SYTL5: variants seen among roughly 807,000 people sequenced by gnomAD.
SYTL5 encodes the protein synaptotagmin-like protein 5.
In SYTL5, 34 loss-of-function variants were observed where a neutral mutation model predicts 55.9. The observed-to-expected ratio is 0.61, with a 90% CI of 0.46 to 0.81. SYTL5 has a LOEUF of 0.81. Among genes scored for constraint, SYTL5 ranks in the 30% least tolerant of loss-of-function variants. SYTL5 has a pLI of 0.00. For missense variants in SYTL5, 637 were observed against 546.7 expected (o/e 1.17, Z -1.65); for synonymous variants, 221 against 188.7 (o/e 1.17, Z -1.40).
In SYTL5 at chrX:38,110,385, G is replaced by A. The variant is rs1265695006; in HGVS notation, c.1499G>A (p.Arg500Gln). 1.5e-5 allele frequency: 18 copies of A among 1,207,015 alleles called. 1 individual carries two copies. In the African/African-American group the frequency reaches 2.6e-4, roughly 18 times the overall value. ...CAGCTCTCAGTCTGGCACTATGATC[G>A]ATTTGGACGTAATAGCTTCCTCGGG... Reference protein sequence around the residue: ...TLQLSVWHYDRFGRNSFLGEV... With the variant: ...TLQLSVWHYDQFGRNSFLGEV... Residue 500 changes from arginine to glutamine, a missense_variant, in exon 13 of 17, where the codon CGA (arginine) becomes CAA (glutamine). By Grantham distance (43) the Arg-to-Gln change is conservative. Coordinates refer to ENST00000297875, the MANE Select transcript of SYTL5 (RefSeq NM_138780.3).
intron 2 of SYTL5, 32 bp from the exon 3 acceptor site, chrX:38,054,181 T>C (rs754450459): frequency 1.1e-5 from 12 of 1,094,767 alleles, no homozygotes; most frequent in Non-Finnish European, 1.5e-5. Flanking sequence ...TGTTTGTTTT[T>C]TTAAGTGATT....
chrX:37,911,847 G>T, the SYTL5 span, among the ~76,000 whole-genome samples: 2 of 111,020 alleles, frequency 1.8e-5, no homozygotes, highest in African/African-American at 3.3e-5. Flanking sequence ...ATACACACAG[G>T]TTATGATTTT....
chrX:38,038,704 A>G (rs761269349), intron 2 of SYTL5, among the ~76,000 whole-genome samples: 1 of 112,241 alleles, frequency 8.9e-6, no homozygotes, highest in Admixed American at 9.5e-5. Flanking sequence ...TTGGCTGTTT[A>G]CCATGAGCCA....
At chrX:38,007,284 C>T (rs1326356769) in intron 1 of SYTL5, among the ~76,000 whole-genome samples, 1 of 111,681 alleles carries the variant, frequency 9.0e-6, no homozygotes, top group Admixed American at 9.5e-5. Context: ...GATACTGTAA[C>T]AGCTTACAGA....
intron 14 of SYTL5, 88 bp downstream of exon 14, chrX:38,120,554 C>A: frequency 1.4e-6 from 1 of 706,749 alleles, no homozygotes; most frequent in Non-Finnish European, 2.2e-6. Flanking sequence ...CATTATATTT[C>A]TTTCATATTA....
At chrX:38,030,151 T>A (rs926005851) in intron 1 of SYTL5, among the ~76,000 whole-genome samples, 3 of 111,035 alleles carry the variant, frequency 2.7e-5, no homozygotes, top group African/African-American at 9.8e-5. Flanking sequence ...GATCTAAACA[T>A]GCAAAAAGCC....
intron 6 of SYTL5, among the ~76,000 whole-genome samples, chrX:38,084,595 A>G (rs1936623915): frequency 9.0e-6 from 1 of 110,976 alleles, no homozygotes; most frequent in Non-Finnish European, 1.9e-5. Context: ...TGTGTGGGGA[A>G]AAACCCCACA....
chrX:37,910,498 C>A, the SYTL5 span, among the ~76,000 whole-genome samples: 1 of 112,208 alleles, frequency 8.9e-6, no homozygotes, highest in Non-Finnish European at 1.9e-5. Flanking sequence ...AACCATTGGA[C>A]AAGTACAACA....
At chrX:38,114,915 G>T (rs1314382499) in intron 13 of SYTL5, among the ~76,000 whole-genome samples, 3 of 110,993 alleles carry the variant, frequency 2.7e-5, no homozygotes, top group Non-Finnish European at 5.7e-5. Flanking sequence ...CACTATTTTA[G>T]ATTTATATCT....
chrX:37,956,203 A>G, the SYTL5 span, among the ~76,000 whole-genome samples: 8 of 112,124 alleles, frequency 7.1e-5, no homozygotes, highest in African/African-American at 2.6e-4. Flanking sequence ...GTCTATGCTC[A>G]GTGTAATTTG....
intron 11 of SYTL5, among the ~76,000 whole-genome samples, chrX:38,107,460 G>A (rs5918475): frequency 9.0e-6 from 1 of 110,790 alleles, no homozygotes; most frequent in Non-Finnish European, 1.9e-5. Flanking sequence ...CCAAGGAAGC[G>A]TGTTAGAAAC....
At chrX:38,091,875 G>C (rs1658583208) in intron 7 of SYTL5, among the ~76,000 whole-genome samples, 1 of 111,303 alleles carries the variant, frequency 9.0e-6, no homozygotes, top group African/African-American at 3.3e-5. Flanking sequence ...ACAGCACCTA[G>C]ATCTCTGCAA....
At chrX:37,971,757 T>C in the SYTL5 span, among the ~76,000 whole-genome samples, 1 of 110,851 alleles carries the variant, frequency 9.0e-6, no homozygotes, top group Admixed American at 9.6e-5. Flanking sequence ...TGATAAAACC[T>C]ATGGAGCGCC....
intron 3 of SYTL5, among the ~76,000 whole-genome samples, chrX:38,068,307 G>T (rs1936157592): frequency 8.9e-6 from 1 of 112,097 alleles, no homozygotes; most frequent in Admixed American, 9.5e-5. Context: ...AAAAGGAAAT[G>T]CTTATACATT....
At position 38,064,153 on chromosome X, in the gene SYTL5, G is replaced by T. The variant is rs190366328; in HGVS notation, c.330-7894G>T. Among the ~76,000 whole-genome samples, 138 of 110,846 alleles carry T rather than the reference G, an allele frequency of 1.2e-3. 2 individuals are homozygous for T. The highest frequency in any genetic ancestry group is 4.4e-3 in the African/African-American group (135 of 30,574). ...TGTGACATAAAATGTATTTCTTATT[G>T]TGACCTCTGCCAAAAATGCTTGAGA... On this transcript the variant is annotated intron_variant, in intron 3 of 16. Transcript: ENST00000297875.
the SYTL5 span, among the ~76,000 whole-genome samples, chrX:37,962,937 T>C: frequency 8.9e-5 from 10 of 111,784 alleles, no homozygotes. Context: ...GGGGATTAAA[T>C]TTCCAACACA....
At chrX:37,924,381 G>A in the SYTL5 span, among the ~76,000 whole-genome samples, 1 of 111,498 alleles carries the variant, frequency 9.0e-6, no homozygotes, top group Non-Finnish European at 1.9e-5. Context: ...TGATGATGAG[G>A]ATTAAATGAG....
At chrX:38,106,839 T>C (rs1315513938) in intron 11 of SYTL5, 68 bp downstream of exon 11, 5 of 929,430 alleles carry the variant, frequency 5.4e-6, no homozygotes, top group Non-Finnish European at 7.2e-6. Flanking sequence ...TGTGTTTCCT[T>C]TTCAAAAGAG....
intron 6 of SYTL5, 40 bp from the exon 7 acceptor site, chrX:38,089,406 C>T (rs751826310): frequency 4.2e-6 from 5 of 1,178,094 alleles, no homozygotes; most frequent in Non-Finnish European, 5.7e-6. Flanking sequence ...GGTTGCTGCT[C>T]TGCTTCCATG....
Sources: gnomAD v4.1 joint callset for allele counts (sites outside exome capture counted in the v4.1 genomes callset) on GRCh38, gnomAD v4.1.1 for gene constraint, MANE v1.5 for transcripts, NCBI Gene and HGNC (gene_info 2026-07-23, HGNC 2026-07-21) for gene names.